Variants in BACH2 observed in about 807,000 individuals in gnomAD.
BACH2 encodes BACH transcriptional regulator 2.
In BACH2, 5 loss-of-function variants were observed where a neutral mutation model predicts 61.8. The ratio of observed to expected loss-of-function variants is 0.08; its 90% CI spans 0.04 to 0.17. The LOEUF (loss-of-function observed/expected upper bound fraction) is 0.17, where lower values mean the gene tolerates loss of function less well. BACH2 is among the 10% of genes least tolerant of loss of function. The probability of loss-of-function intolerance (pLI) is 1.00; values close to 1 mark genes in which losing one functional copy is unlikely to be tolerated. For synonymous variants in BACH2, 446 were observed against 440.1 expected, an observed-to-expected ratio of 1.01 and a Z score of -0.17; for missense variants, 824 against 1,091.1, an observed-to-expected ratio of 0.76 and a Z score of 3.45.
At chr6:90,119,232 C>T (rs1276096500) in intron 4 of BACH2, among the ~76,000 whole-genome samples, 1 of 152,108 alleles carries the variant, frequency 6.6e-6, no homozygotes, top group Non-Finnish European at 1.5e-5. Context: ...CCTCTCATGC[C>T]CATGTGGCTA....
intron 4 of BACH2, among the ~76,000 whole-genome samples, chr6:90,114,497 G>C (rs1459236793): frequency 2.0e-5 from 3 of 152,108 alleles, no homozygotes; most frequent in African/African-American, 7.2e-5. Flanking sequence ...GAATAAACTA[G>C]GTAGTGAAGG....
chr6:90,014,468 A>ATTTTTTTT (rs1164045089), intron 5 of BACH2, among the ~76,000 whole-genome samples: 1 of 32,306 alleles, frequency 3.1e-5, no homozygotes, highest in African/African-American at 2.1e-4. Flanking sequence ...ATATATATAT[A>ATTTTTTTT]TTTTTTTTTT....
chr6:89,997,030 C>T (rs1182793997), intron 6 of BACH2, among the ~76,000 whole-genome samples: 6 of 140,066 alleles, frequency 4.3e-5, no homozygotes, highest in African/African-American at 1.0e-4. Context: ...CACACACACA[C>T]ATGCATGCTC....
chr6:90,126,250 G>A lies in BACH2; in HGVS notation c.-161-37141C>T, dbSNP rs117663800. Among the ~76,000 whole-genome samples the A allele has an allele frequency of 6.2e-3, 937 of 152,312 alleles. 9 individuals carry two copies. The highest frequency in any genetic ancestry group is 8.6e-3 in the Non-Finnish European group (582 of 68,028). ...CCTTAAGGATTGTGCATGCTAAAAC[G>A]TATTTCAGTAGCTGCTAGAATGGGA... On this transcript the variant is annotated intron_variant, in intron 4 of 8. Coordinates refer to ENST00000257749, the MANE Select transcript of BACH2 (RefSeq NM_021813.4).
At chr6:89,994,116 C>T (rs767391499) in intron 6 of BACH2, among the ~76,000 whole-genome samples, 30 of 152,138 alleles carry the variant, frequency 2.0e-4, no homozygotes, top group Non-Finnish European at 3.4e-4. Context: ...AAAATAACCA[C>T]GAAAGCAGTC....
intron 1 of BACH2, among the ~76,000 whole-genome samples, chr6:90,295,794 T>G (rs1772340045): frequency 6.6e-6 from 1 of 152,216 alleles, no homozygotes; most frequent in African/African-American, 2.4e-5. Context: ...GACAACCCGA[T>G]CTTTCGCTAG....
intron 1 of BACH2, among the ~76,000 whole-genome samples, chr6:90,288,879 C>CA (rs1772100393): frequency 6.6e-6 from 1 of 152,050 alleles, no homozygotes; most frequent in Non-Finnish European, 1.5e-5. Flanking sequence ...AAACAAAACG[C>CA]AAAAAACAAA....
At chr6:90,285,668 G>A (rs1032220137) in intron 1 of BACH2, among the ~76,000 whole-genome samples, 1 of 152,188 alleles carries the variant, frequency 6.6e-6, no homozygotes, top group Non-Finnish European at 1.5e-5. Context: ...CTGCTGGCAG[G>A]AGAAGAGGAC....
intron 4 of BACH2, among the ~76,000 whole-genome samples, chr6:90,130,509 T>C (rs1459975939): frequency 6.6e-6 from 1 of 152,250 alleles, no homozygotes; most frequent in African/African-American, 2.4e-5. Context: ...ACTTTTAGCA[T>C]TCTCATTTAC....
intron 5 of BACH2, among the ~76,000 whole-genome samples, chr6:90,071,974 T>C (rs1781249459): frequency 6.6e-6 from 1 of 152,058 alleles, no homozygotes; most frequent in African/African-American, 2.4e-5. Context: ...GAGGGATTGG[T>C]CTTGCTGTCT....
At chr6:90,107,928 G>A (rs1782997424) in intron 4 of BACH2, among the ~76,000 whole-genome samples, 1 of 152,086 alleles carries the variant, frequency 6.6e-6, no homozygotes, top group Non-Finnish European at 1.5e-5. Flanking sequence ...TTAGGAATTG[G>A]CTCAGTGTGT....
chr6:90,110,190 G>C (rs913943749), intron 4 of BACH2, among the ~76,000 whole-genome samples: 1 of 152,178 alleles, frequency 6.6e-6, no homozygotes, highest in Non-Finnish European at 1.5e-5. Context: ...TACATAGTTG[G>C]AAATGGGTGA....
intron 6 of BACH2, among the ~76,000 whole-genome samples, chr6:89,997,956 C>T (rs1243798642): frequency 6.6e-6 from 1 of 151,876 alleles, no homozygotes; most frequent in Non-Finnish European, 1.5e-5. Flanking sequence ...ATAAAGAATA[C>T]AAAAATTAAA....
At chr6:89,953,381 C>T (rs555145166) in intron 6 of BACH2, among the ~76,000 whole-genome samples, 6 of 152,180 alleles carry the variant, frequency 3.9e-5, no homozygotes, top group East Asian at 1.9e-4. Flanking sequence ...TGTAACTGAA[C>T]GGGATTTTAA....
Position 89,950,613 on chromosome 6 carries a change from G to GT in BACH2, c.1492dup (p.Thr498AsnfsTer47). 1 of 1,613,898 alleles carries GT rather than the reference G, an allele frequency of 6.2e-7. No homozygotes were observed. Among genetic ancestry groups the GT allele is most frequent in the Non-Finnish European group, 8.5e-7 (1 of 1,179,918 alleles). ...GACTTTGATTGGTACCGGGCAGCTGGTGTTGGGCCGCATCCTTCCTGGCAA... is the reference window on the plus strand; with the variant it reads ...GACTTTGATTGGTACCGGGCAGCTGGTTGTTGGGCCGCATCCTTCCTGGCAA... On this transcript the variant is annotated frameshift_variant, in exon 7 of 9. Coordinates refer to ENST00000257749, the MANE Select transcript of BACH2 (RefSeq NM_021813.4). LOFTEE classifies it high-confidence loss of function. The surrounding 1 kb of genome is among the most constrained non-coding windows in gnomAD (Gnocchi z 5.3).
intron 4 of BACH2, among the ~76,000 whole-genome samples, chr6:90,177,330 C>A (rs1213920446): frequency 6.6e-6 from 1 of 152,190 alleles, no homozygotes; most frequent in Non-Finnish European, 1.5e-5. Flanking sequence ...GGTAGCACAG[C>A]ACCTGACCCA....
At chr6:90,098,563 GAA>G (rs1182385914) in intron 4 of BACH2, among the ~76,000 whole-genome samples, 1 of 152,074 alleles carries the variant, frequency 6.6e-6, no homozygotes, top group Non-Finnish European at 1.5e-5. Context: ...TTAAAAACCT[GAA>G]GACTCTCTCC....
chr6:90,242,490 AG>A (rs1299416719), intron 3 of BACH2, among the ~76,000 whole-genome samples: 1 of 152,212 alleles, frequency 6.6e-6, no homozygotes, highest in African/African-American at 2.4e-5. Flanking sequence ...CATCTAATGA[AG>A]GATCCCTTAG....
In BACH2 at chr6:90,296,709, A is replaced by C. The variant is rs1263167033; in HGVS notation, c.-675T>G. ...AAAGCGAGAGCGGGGCGGCGGCGGG[A>C]GTGGGCAGGCGGGGTGGCGAGGGCG... On this transcript the variant is annotated 5_prime_UTR_variant, in exon 1 of 9. Coordinates refer to ENST00000257749, the MANE Select transcript of BACH2 (RefSeq NM_021813.4). 7 of 153,498 alleles carry C rather than the reference A, an allele frequency of 4.6e-5. No individual in the cohort carries two copies. The highest frequency in any genetic ancestry group is 1.7e-4 in the African/African-American group (7 of 41,204). The allele number at this position is 153,498 out of a possible 1,614,324, so 9.5% of individuals were successfully genotyped here.
Sources: gnomAD v4.1 joint callset for allele counts (sites outside exome capture counted in the v4.1 genomes callset) on GRCh38, gnomAD v4.1.1 for gene constraint, Gnocchi (gnomAD v3.1) non-coding constraint, MANE v1.5 for transcripts, NCBI Gene and HGNC (gene_info 2026-07-23, HGNC 2026-07-21) for gene names.